Variants in ST7 observed in about 807,000 individuals in gnomAD.
ST7 encodes suppression of tumorigenicity 7, also known as suppressor of tumorigenicity 7 protein.
A neutral mutation model predicts 78.7 loss-of-function variants in ST7; 28 were observed. The observed-to-expected ratio is 0.36, with a 90% CI of 0.26 to 0.49. ST7 has a LOEUF of 0.49. Ranked by LOEUF, ST7 falls within the 20% of genes least tolerant of loss-of-function variation. The probability of loss-of-function intolerance (pLI) is 0.99; values close to 1 mark genes in which losing one functional copy is unlikely to be tolerated. For missense variants in ST7, 418 were observed against 696.0 expected, an observed-to-expected ratio of 0.60 and a Z score of 4.49; for synonymous variants, 247 against 249.6, an observed-to-expected ratio of 0.99 and a Z score of 0.10.
At chr7:116,990,227 C>T (rs1032446098) in intron 1 of ST7, among the ~76,000 whole-genome samples, 12 of 152,276 alleles carry the variant, frequency 7.9e-5, no homozygotes, top group African/African-American at 2.4e-4. Flanking sequence ...TGAGCCACCA[C>T]GCCCGGCCGG....
chr7:116,976,366 G>A (rs1747873120), intron 1 of ST7, among the ~76,000 whole-genome samples: 1 of 152,154 alleles, frequency 6.6e-6, no homozygotes. Flanking sequence ...CAACCTGTGG[G>A]TAGATTGCAA....
At chr7:117,134,217 C>T (rs1207631653) in intron 7 of ST7, 25 bp downstream of exon 7, 1 of 1,610,824 alleles carries the variant, frequency 6.2e-7, no homozygotes, top group Non-Finnish European at 8.5e-7. Flanking sequence ...TGTTGGGTGC[C>T]CTACTTCTAA....
intron 2 of ST7, among the ~76,000 whole-genome samples, chr7:117,112,129 G>A (rs79938673): frequency 0.023 from 3,453 of 151,414 alleles, 144 homozygotes; most frequent in African/African-American, 0.076. Context: ...TATAACAGAG[G>A]TATTTTTAAG....
intron 1 of ST7, among the ~76,000 whole-genome samples, chr7:117,008,095 C>A (rs1795229553): frequency 6.6e-6 from 1 of 152,088 alleles, no homozygotes. Flanking sequence ...TGCTTCTTAT[C>A]TGAAGGCTAA....
intron 9 of ST7, among the ~76,000 whole-genome samples, chr7:117,163,316 A>G (rs187721534): frequency 6.0e-4 from 92 of 152,190 alleles, no homozygotes; most frequent in Non-Finnish European, 1.0e-4. Flanking sequence ...GCTGGATCAT[A>G]TGTTTATTCT....
chr7:117,003,916 T>C (rs1408344079), intron 1 of ST7, among the ~76,000 whole-genome samples: 1 of 152,122 alleles, frequency 6.6e-6, no homozygotes, highest in African/African-American at 2.4e-5. Flanking sequence ...CTGTTCAGAG[T>C]TCTCTCCTTC....
chr7:117,012,802 C>T (rs977276234), intron 1 of ST7, among the ~76,000 whole-genome samples: 1 of 152,106 alleles, frequency 6.6e-6, no homozygotes, highest in Non-Finnish European at 1.5e-5. Context: ...GGAGTTGAAT[C>T]TTCTCTGACT....
chr7:117,213,932 C>T (rs768957656), intron 13 of ST7, among the ~76,000 whole-genome samples: 4 of 152,108 alleles, frequency 2.6e-5, no homozygotes, highest in Non-Finnish European at 4.4e-5. Context: ...AACATAGAAA[C>T]GAAGGGTCTC....
At chr7:117,142,539 C>T (rs372704096) in intron 9 of ST7, among the ~76,000 whole-genome samples, 5 of 152,120 alleles carry the variant, frequency 3.3e-5, no homozygotes, top group African/African-American at 7.2e-5. Context: ...AAAATCATCC[C>T]GCATTAAGAA....
chr7:117,133,632 T>TA (rs1027892047), intron 6 of ST7, among the ~76,000 whole-genome samples: 2 of 151,830 alleles, frequency 1.3e-5, no homozygotes, highest in African/African-American at 4.8e-5. Context: ...AATATAATTT[T>TA]AAAATAGGGA....
intron 1 of ST7, among the ~76,000 whole-genome samples, chr7:116,979,183 G>T (rs1381281972): frequency 3.3e-5 from 5 of 152,162 alleles, no homozygotes; most frequent in Non-Finnish European, 7.3e-5. Flanking sequence ...CCCTGTTGGG[G>T]TCTTTCATTG....
intron 1 of ST7, among the ~76,000 whole-genome samples, chr7:117,040,245 G>A (rs1470136015): frequency 1.3e-5 from 2 of 152,072 alleles, no homozygotes; most frequent in Non-Finnish European, 2.9e-5. Flanking sequence ...GGTGGCAGAC[G>A]CCTGTAATCC....
intron 10 of ST7, 113 bp downstream of exon 10, chr7:117,171,089 AT>A (rs1442234584): frequency 3.8e-6 from 2 of 530,664 alleles, no homozygotes; most frequent in Non-Finnish European, 6.2e-6. Context: ...CCATACTCTT[AT>A]AGAATTTTCA....
At chr7:116,970,828 A>G (rs1301006064) in intron 1 of ST7, among the ~76,000 whole-genome samples, 2 of 152,124 alleles carry the variant, frequency 1.3e-5, no homozygotes, top group East Asian at 1.9e-4. Flanking sequence ...GTAGTGTTCT[A>G]TATCAATTAT....
At chr7:117,216,014 TG>T (rs1158669085) in intron 13 of ST7, among the ~76,000 whole-genome samples, 1 of 152,056 alleles carries the variant, frequency 6.6e-6, no homozygotes. Flanking sequence ...TAGAAGTCAT[TG>T]GGAAAATCAG....
chr7:117,192,609 T>A (rs977729043), intron 12 of ST7, among the ~76,000 whole-genome samples: 2 of 152,194 alleles, frequency 1.3e-5, no homozygotes, highest in Non-Finnish European at 2.9e-5. Flanking sequence ...TTGATAATGG[T>A]TGGGGGCTCC....
At chr7:117,054,467 TAG>T (rs1201330212) in intron 1 of ST7, among the ~76,000 whole-genome samples, 1 of 152,146 alleles carries the variant, frequency 6.6e-6, no homozygotes, top group Non-Finnish European at 1.5e-5. Flanking sequence ...TGGAGGTGGG[TAG>T]AGTTGAGCTG....
intron 1 of ST7, among the ~76,000 whole-genome samples, chr7:117,083,084 A>C: frequency 6.6e-6 from 1 of 151,662 alleles, no homozygotes; most frequent in Non-Finnish European, 1.5e-5. Flanking sequence ...GTTGAGACGG[A>C]GTTTTGCTCT....
chr7:116,974,432 C>T (rs991940348), intron 1 of ST7, among the ~76,000 whole-genome samples: 1 of 151,990 alleles, frequency 6.6e-6, no homozygotes, highest in Non-Finnish European at 1.5e-5. Flanking sequence ...GCTGGGACTA[C>T]AGGCATCTGC....
Sources: gnomAD v4.1 joint callset for allele counts (sites outside exome capture counted in the v4.1 genomes callset) on GRCh38, gnomAD v4.1.1 for gene constraint, MANE v1.5 for transcripts, NCBI Gene and HGNC (gene_info 2026-07-23, HGNC 2026-07-21) for gene names.